PLCB4: variants seen among roughly 807,000 people sequenced by gnomAD.
PLCB4 encodes phospholipase C beta 4.
Under a neutral mutation model 178.8 loss-of-function variants are expected in PLCB4, and 77 were observed. That is an observed-to-expected ratio of 0.43 (90% CI 0.36 to 0.52). The LOEUF is 0.52. Ranked by LOEUF, PLCB4 falls within the 20% of genes least tolerant of loss-of-function variation. The pLI is 0.00. For missense variants in PLCB4, 1,024 were observed against 1,453.4 expected, an observed-to-expected ratio of 0.70 and a Z score of 4.80; for synonymous variants, 496 against 490.8, an observed-to-expected ratio of 1.01 and a Z score of -0.14.
chr20:9,244,849 G>A (rs936688747), intron 3 of PLCB4, among the ~76,000 whole-genome samples: 2 of 152,180 alleles, frequency 1.3e-5, no homozygotes, highest in Non-Finnish European at 2.9e-5. Flanking sequence ...GCAGTATAAT[G>A]CCTACATCAT....
At chr20:9,365,318 A>C in intron 8 of PLCB4, 143 bp from the exon 9 acceptor site, 1 of 563,844 alleles carries the variant, frequency 1.8e-6, no homozygotes, top group South Asian at 2.7e-5. Context: ...TGACAACCCT[A>C]AATTCATCTT....
rs947887657 is a variant in PLCB4 at position 9,480,602 on chromosome 20, A to G, written c.*1593A>G. On this transcript the variant is annotated 3_prime_UTR_variant, in exon 40 of 40. Transcript: ENST00000378473. ...TACCCTCAGCATGTTTTTCACCCAA[A>G]TGATGCAAAACATGCAGATTCTAGT... is the stretch of plus-strand genomic sequence containing the variant. 1.3e-5 allele frequency: 2 copies of G among 152,166 alleles called. No individual in the cohort carries two copies. Among genetic ancestry groups the G allele is most frequent in the African/African-American group, 4.8e-5 (2 of 41,440 alleles). The allele number at this position is 152,166 out of a possible 1,614,324, so 9.4% of individuals were successfully genotyped here. A position where few individuals can be genotyped will look rare whatever the true frequency, so the allele number is the denominator to read the frequency against.
In PLCB4 at chr20:9,155,834, T is replaced by TCATAGACTA. The variant is rs1600769669; in HGVS notation, c.-79+59493_-79+59501dup. 2.0e-5 allele frequency among the ~76,000 whole-genome samples: 3 copies of TCATAGACTA among 152,146 alleles called. No individual in the cohort carries two copies. In the East Asian group the frequency reaches 5.8e-4, roughly 29 times the overall value. On this transcript the variant is annotated intron_variant, in intron 2 of 39. Transcript: ENST00000378473. ...TAAGACATGTGGCATAAACATAACC[T>TCATAGACTA]CATAGACTATACCTACATCGTGCCC...
At chr20:9,111,489 T>A (rs941806385) in intron 2 of PLCB4, among the ~76,000 whole-genome samples, 2 of 152,192 alleles carry the variant, frequency 1.3e-5, no homozygotes, top group Non-Finnish European at 2.9e-5. Context: ...AGGTGACAGA[T>A]CATTTCAGTC....
At chr20:9,191,264 T>C (rs1334516366) in intron 2 of PLCB4, among the ~76,000 whole-genome samples, 7 of 151,388 alleles carry the variant, frequency 4.6e-5, no homozygotes, top group Non-Finnish European at 7.4e-5. Context: ...TGTGTGGTGA[T>C]GGGACTAAGA....
At chr20:9,090,368 T>C (rs2090623177) in intron 1 of PLCB4, among the ~76,000 whole-genome samples, 2 of 152,014 alleles carry the variant, frequency 1.3e-5, no homozygotes, top group African/African-American at 4.8e-5. Context: ...TTTTAAATCA[T>C]ATTTTTTTCA....
intron 3 of PLCB4, among the ~76,000 whole-genome samples, chr20:9,306,847 T>G (rs1018593192): frequency 6.6e-6 from 1 of 152,168 alleles, no homozygotes; most frequent in Non-Finnish European, 1.5e-5. Context: ...GTGCCTAGCC[T>G]CTCTTTAAAT....
At chr20:9,116,098 C>T (rs2091768204) in intron 2 of PLCB4, among the ~76,000 whole-genome samples, 1 of 151,710 alleles carries the variant, frequency 6.6e-6, no homozygotes, top group African/African-American at 2.4e-5. Context: ...TTGTATTATT[C>T]TTCACTTATA....
intron 28 of PLCB4, among the ~76,000 whole-genome samples, chr20:9,424,524 AAGAAAGC>A (rs1306694233): frequency 3.9e-5 from 6 of 152,204 alleles, no homozygotes; most frequent in African/African-American, 1.4e-4. Context: ...AATACATTAA[AAGAAAGC>A]AAAGATCCTC....
At chr20:9,471,461 G>A (rs1401447914) in intron 36 of PLCB4, among the ~76,000 whole-genome samples, 1 of 152,062 alleles carries the variant, frequency 6.6e-6, no homozygotes, top group Non-Finnish European at 1.5e-5. Context: ...ATTAACTACA[G>A]AGAAAAACGC....
intron 4 of PLCB4, among the ~76,000 whole-genome samples, chr20:9,326,172 C>A (rs146432806): frequency 1.3e-5 from 2 of 152,250 alleles, no homozygotes; most frequent in African/African-American, 2.4e-5. Context: ...ACATTCAGAC[C>A]ATAGGACCTT....
chr20:9,236,913 C>T (rs1304871543), intron 3 of PLCB4, among the ~76,000 whole-genome samples: 1 of 152,174 alleles, frequency 6.6e-6, no homozygotes, highest in Non-Finnish European at 1.5e-5. Context: ...CAGCCACATA[C>T]AGATTACTCT....
At chr20:9,414,946 G>C (rs77952760) in intron 25 of PLCB4, among the ~76,000 whole-genome samples, 9,422 of 152,160 alleles carry the variant, frequency 0.062, 981 homozygotes, top group African/African-American at 0.21. Flanking sequence ...TACGTTCTAA[G>C]AACCCCAGTG....
At position 9,459,829 on chromosome 20, in the gene PLCB4, C is replaced by A. The variant is rs532701369; in HGVS notation, c.3248+19C>A. ...ATGACAGGTGGGGGAATTGCCGTCT[C>A]CAGAGTAAACATCTAATATTTAAAA... On this transcript the variant is annotated intron_variant, in intron 35 of 39. Coordinates refer to ENST00000378473, the MANE Select transcript of PLCB4 (RefSeq NM_001377142.1). The A allele has an allele frequency of 4.4e-5, 69 of 1,552,280 alleles. 1 individual carries two copies. The South Asian group carries it at 7.4e-4, about 17-fold the overall frequency.
At chr20:9,353,726 T>C (rs886795655) in intron 7 of PLCB4, among the ~76,000 whole-genome samples, 1 of 152,216 alleles carries the variant, frequency 6.6e-6, no homozygotes, top group African/African-American at 2.4e-5. Flanking sequence ...ACTCAGGCTT[T>C]GGGAACGCTG....
At chr20:9,375,063 A>G (rs539563368) in intron 12 of PLCB4, among the ~76,000 whole-genome samples, 23 of 152,268 alleles carry the variant, frequency 1.5e-4, no homozygotes, top group Admixed American at 5.2e-4. Context: ...TACTCAGGAA[A>G]GTCTATAGCC....
chr20:9,468,304 A>C (rs2043942335), intron 35 of PLCB4, among the ~76,000 whole-genome samples: 1 of 152,108 alleles, frequency 6.6e-6, no homozygotes, highest in Admixed American at 6.6e-5. Context: ...AAAAAAGAAG[A>C]GTGAGAGGAG....
intron 25 of PLCB4, 120 bp downstream of exon 25, chr20:9,411,208 A>G: frequency 1.5e-6 from 1 of 667,788 alleles, no homozygotes; most frequent in Non-Finnish European, 2.6e-6. Flanking sequence ...GAGGGATGGA[A>G]TAGAAAGAAA....
intron 2 of PLCB4, among the ~76,000 whole-genome samples, chr20:9,159,763 T>C (rs1057493000): frequency 2.6e-5 from 4 of 152,224 alleles, no homozygotes; most frequent in African/African-American, 9.7e-5. Context: ...AGATGGTGAA[T>C]GAAACTGGCT....
Sources: gnomAD v4.1 joint callset for allele counts (sites outside exome capture counted in the v4.1 genomes callset) on GRCh38, gnomAD v4.1.1 for gene constraint, MANE v1.5 for transcripts, NCBI Gene and HGNC (gene_info 2026-07-23, HGNC 2026-07-21) for gene names.